The following PIP5K1C variants were observed in gnomAD, a reference collection of about 807,000 sequenced individuals.
PIP5K1C encodes phosphatidylinositol-4-phosphate 5-kinase type 1 gamma.
PIP5K1C carries 45 observed loss-of-function variants against 80.1 expected under a neutral mutation model. That is an observed-to-expected ratio of 0.56 (90% CI 0.44 to 0.72). The LOEUF (loss-of-function observed/expected upper bound fraction) is 0.72. Ranked by LOEUF, PIP5K1C falls within the 30% of genes least tolerant of loss-of-function variation. PIP5K1C has a pLI of 0.00. For missense variants in PIP5K1C, 753 were observed against 954.6 expected (o/e 0.79, Z 2.78); for synonymous variants, 498 against 420.1 (o/e 1.19, Z -2.27).
chr19:3,694,438 C>T (rs2036039796), intron 1 of PIP5K1C, among the ~76,000 whole-genome samples: 1 of 152,096 alleles, frequency 6.6e-6, no homozygotes, highest in African/African-American at 2.4e-5. Context: ...CCTCAGTCCT[C>T]GCCACCCCAG....
At chr19:3,653,987 T>TAC (rs903150525) in intron 6 of PIP5K1C, among the ~76,000 whole-genome samples, 4 of 152,076 alleles carry the variant, frequency 2.6e-5, no homozygotes, top group Non-Finnish European at 5.9e-5. Context: ...CACAAACACA[T>TAC]ACACACACAC....
Position 3,637,250 on chromosome 19 carries a change from G to C in PIP5K1C, c.1920+1634C>G. ...GAGAGGGGCTCGCTGGGGTCTGGCC[G>C]GGGTCCGAAGCAGACCCTGGGCCTC... On this transcript the variant is annotated intron_variant, in intron 16 of 17. Coordinates refer to ENST00000335312, the MANE Select transcript of PIP5K1C (RefSeq NM_012398.3). The surrounding 1 kb of genome is among the most constrained non-coding windows in gnomAD (Gnocchi z 7.0). The C allele has an allele frequency of 6.9e-7, 1 of 1,452,258 alleles. No individual in the cohort carries two copies. Among genetic ancestry groups the C allele is most frequent in the Non-Finnish European group, 9.0e-7 (1 of 1,105,656 alleles). The allele number at this position is 1,452,258 out of a possible 1,614,324, so 90.0% of individuals were successfully genotyped here.
rs192472708 is a variant in PIP5K1C, at chr19:3,662,210, C to T, written c.220-209G>A. Among the ~76,000 whole-genome samples the T allele has an allele frequency of 9.2e-4, 140 of 152,326 alleles. No individual in the cohort carries two copies. In the Middle Eastern group the frequency reaches 0.014, roughly 15 times the overall value. ...GGGATGAAGCCACCCTCCCTCGGGC[C>T]ACACAGCCAGGACAGGGCTCGGCTG... On this transcript the variant is annotated intron_variant, in intron 3 of 17. Coordinates refer to ENST00000335312, the MANE Select transcript of PIP5K1C (RefSeq NM_012398.3).
chr19:3,659,349 C>T (rs1260763495), intron 5 of PIP5K1C, among the ~76,000 whole-genome samples: 8 of 152,222 alleles, frequency 5.3e-5, no homozygotes, highest in African/African-American at 9.6e-5. Context: ...TCACCAACAC[C>T]GGGCTGGCTC....
At chr19:3,666,810 C>T (rs969714623) in intron 2 of PIP5K1C, among the ~76,000 whole-genome samples, 3 of 151,958 alleles carry the variant, frequency 2.0e-5, no homozygotes, top group East Asian at 3.8e-4. Flanking sequence ...CACACACGCA[C>T]GCAGGCAAAC....
At chr19:3,642,447 C>T (rs1030964143) in intron 14 of PIP5K1C, among the ~76,000 whole-genome samples, 5 of 152,180 alleles carry the variant, frequency 3.3e-5, no homozygotes, top group Non-Finnish European at 7.3e-5. Flanking sequence ...AGTCGAGTGA[C>T]AACAGCAAGG....
At chr19:3,654,378 G>T (rs1368904484) in intron 6 of PIP5K1C, among the ~76,000 whole-genome samples, 2 of 152,238 alleles carry the variant, frequency 1.3e-5, no homozygotes, top group Non-Finnish European at 2.9e-5. Flanking sequence ...TGTCGGGGCT[G>T]AGACAGACCC....
Position 3,648,854 on chromosome 19 carries a change from G to A in PIP5K1C, c.1128-146C>T. 1 of 674,582 alleles carries A rather than the reference G, an allele frequency of 1.5e-6. No individual in the cohort carries two copies. The allele number at this position is 674,582 out of a possible 1,614,324, so 41.8% of individuals were successfully genotyped here. ...CTCTCGGAGTGGGGCCTGGCACCCGGGAACCTCTGTCCTGACATCCCTCCA... is the reference window on the plus strand; with the variant it reads ...CTCTCGGAGTGGGGCCTGGCACCCGAGAACCTCTGTCCTGACATCCCTCCA... On this transcript the variant is annotated intron_variant, in intron 8 of 17. Coordinates refer to ENST00000335312, the MANE Select transcript of PIP5K1C (RefSeq NM_012398.3). This position sits in a 1 kb window ranked among gnomAD's most constrained non-coding sequence, Gnocchi z 4.3.
chr19:3,695,563 A>G (rs1299263229), intron 1 of PIP5K1C, among the ~76,000 whole-genome samples: 2 of 152,132 alleles, frequency 1.3e-5, no homozygotes, highest in Admixed American at 1.3e-4. Context: ...CCGGCCCCCG[A>G]GGCCTCTCCA....
rs1009179219 is a variant in PIP5K1C, at chr19:3,692,988, G to C, written c.94+7309C>G. The stretch of plus-strand genomic sequence containing the variant: ...TGGCCCCCGAGTCCCCAGCCTTGAG[G>C]GCACCTCCGCCGCCACTCTCTCCCC... On this transcript the variant is annotated intron_variant, in intron 1 of 17. Coordinates refer to ENST00000335312, the MANE Select transcript of PIP5K1C (RefSeq NM_012398.3). The surrounding 1 kb of genome is among the most constrained non-coding windows in gnomAD (Gnocchi z 5.2). 6.6e-6 allele frequency among the ~76,000 whole-genome samples: 1 copy of C among 151,866 alleles called. No homozygotes were observed. Among genetic ancestry groups the C allele is most frequent in the Non-Finnish European group, 1.5e-5 (1 of 67,968 alleles).
chr19:3,656,586 C>A (rs755139000), intron 5 of PIP5K1C, 29 bp from the exon 6 acceptor site: 2 of 1,612,084 alleles, frequency 1.2e-6, no homozygotes, highest in South Asian at 2.2e-5. Flanking sequence ...GGTCAGCGGG[C>A]CCCAAGCTGC....
At chr19:3,687,815 G>T (rs1032816966) in intron 1 of PIP5K1C, among the ~76,000 whole-genome samples, 3 of 152,224 alleles carry the variant, frequency 2.0e-5, no homozygotes, top group Admixed American at 6.5e-5. Flanking sequence ...GGCATAGAGT[G>T]ATCGCTTTCC....
chr19:3,666,913 A>G (rs1244264451), intron 2 of PIP5K1C, among the ~76,000 whole-genome samples: 1 of 152,264 alleles, frequency 6.6e-6, no homozygotes, highest in Non-Finnish European at 1.5e-5. Context: ...AGCCTCGGGC[A>G]TCGCCCTCTG....
At chr19:3,698,791 C>A (rs1458138382) in intron 1 of PIP5K1C, among the ~76,000 whole-genome samples, 1 of 152,192 alleles carries the variant, frequency 6.6e-6, no homozygotes, top group African/African-American at 2.4e-5. Context: ...GCGCTAACAT[C>A]AGGAGGGATG....
At chr19:3,642,773 G>A (rs552639309) in intron 14 of PIP5K1C, 134 bp downstream of exon 14, 6 of 773,508 alleles carry the variant, frequency 7.8e-6, no homozygotes, top group African/African-American at 1.7e-5. Context: ...TGCTAGGGCC[G>A]AGTGCTACAA....
At position 3,631,182 on chromosome 19, in the gene PIP5K1C, C is replaced by T. The variant is rs1175422121; in HGVS notation, c.*1985G>A. 6.6e-6 allele frequency: 1 copy of T among 152,358 alleles called. No homozygotes were observed. The highest frequency in any genetic ancestry group is 1.5e-5 in the Non-Finnish European group (1 of 68,120). 9.4% of individuals were successfully genotyped at this position (152,358 alleles called of 1,614,324 possible). A position where few individuals can be genotyped will look rare whatever the true frequency, so the allele number is the denominator to read the frequency against. The stretch of plus-strand genomic sequence containing the variant: ...CTGCCCTGGACGCGGTGCCGCCCGC[C>T]CGGGGCCACACCTGCTGCTCCGAGT... On this transcript the variant is annotated 3_prime_UTR_variant, in exon 18 of 18. Transcript: ENST00000335312.
chr19:3,665,982 C>T lies in PIP5K1C; in HGVS notation c.127-1068G>A, dbSNP rs540149342. Reference sequence around the variant, plus strand: ...CCTGCCCCTGCCCTCCCTCCACAGCCGACGCTGCTCAGCCATGTTCCCTGC... The same window carrying T: ...CCTGCCCCTGCCCTCCCTCCACAGCTGACGCTGCTCAGCCATGTTCCCTGC... On this transcript the variant is annotated intron_variant, in intron 2 of 17. Transcript: ENST00000335312. Among the ~76,000 whole-genome samples, 39 of 152,272 alleles carry T rather than the reference C, an allele frequency of 2.6e-4. No homozygotes were observed. The East Asian group carries it at 5.2e-3, about 20-fold the overall frequency.
At chr19:3,638,520 G>A (rs868710897) in intron 16 of PIP5K1C, among the ~76,000 whole-genome samples, 4 of 152,262 alleles carry the variant, frequency 2.6e-5, no homozygotes, top group South Asian at 2.1e-4. Flanking sequence ...AGGGCCTCCC[G>A]AGGGGCCAAG....
rs963069768 is a variant in PIP5K1C, at chr19:3,637,827, G to A, written c.1920+1057C>T. ...CTGCTGCCCACCTGGCAGGGCATCAGGACACAGACACACAGCACGACATGG... is the reference window on the plus strand; with the variant it reads ...CTGCTGCCCACCTGGCAGGGCATCAAGACACAGACACACAGCACGACATGG... On this transcript the variant is annotated intron_variant, in intron 16 of 17. Coordinates refer to ENST00000335312, the MANE Select transcript of PIP5K1C (RefSeq NM_012398.3). This position sits in a 1 kb window ranked among gnomAD's most constrained non-coding sequence, Gnocchi z 7.0. The A allele has an allele frequency of 1.3e-6, 2 of 1,535,200 alleles. No individual in the cohort carries two copies. Among genetic ancestry groups the A allele is most frequent in the Non-Finnish European group, 1.7e-6 (2 of 1,146,696 alleles).
Sources: gnomAD v4.1 joint callset for allele counts (sites outside exome capture counted in the v4.1 genomes callset) on GRCh38, gnomAD v4.1.1 for gene constraint, Gnocchi (gnomAD v3.1) non-coding constraint, MANE v1.5 for transcripts, NCBI Gene and HGNC (gene_info 2026-07-23, HGNC 2026-07-21) for gene names.